GPC3: variants seen among roughly 807,000 people sequenced by gnomAD.
GPC3 encodes the protein glypican 3.
Under a neutral mutation model 34.4 loss-of-function variants are expected in GPC3, and 3 were observed. The ratio of observed to expected loss-of-function variants is 0.09; its 90% confidence interval spans 0.04 to 0.23. The LOEUF is 0.23. GPC3 is among the 10% of genes least tolerant of loss of function. The pLI is 1.00. For synonymous variants in GPC3, 177 were observed against 174.0 expected (o/e 1.02, Z -0.13); for missense variants, 351 against 445.6 (o/e 0.79, Z 1.91).
intron 6 of GPC3, among the ~76,000 whole-genome samples, chrX:133,632,662 T>C (rs1203568004): frequency 1.8e-5 from 2 of 111,860 alleles, no homozygotes; most frequent in Non-Finnish European, 3.8e-5. Context: ...TAATTCTTAC[T>C]GTTTTTGTGC....
Position 133,827,870 on chromosome X carries a change from G to A in GPC3, c.338-73694C>T, listed in dbSNP as rs1210358733. ...TGAAGAGGGAGGATCCCTTGAACCC[G>A]GGAGGCGGAGGTTGCAGTGACCGAG... On this transcript the variant is annotated intron_variant, in intron 2 of 7. Transcript: ENST00000370818. 5.8e-5 allele frequency among the ~76,000 whole-genome samples: 6 copies of A among 103,614 alleles called. No homozygotes were observed. In the Admixed American group the frequency reaches 6.2e-4, roughly 11 times the overall value. 90.0% of individuals were successfully genotyped at this position (103,614 alleles called of 115,157 possible). A position where few individuals can be genotyped will look rare whatever the true frequency, so the allele number is the denominator to read the frequency against.
At chrX:133,825,343 T>G (rs1168198147) in intron 2 of GPC3, among the ~76,000 whole-genome samples, 4 of 112,081 alleles carry the variant, frequency 3.6e-5, no homozygotes, top group African/African-American at 9.7e-5. Flanking sequence ...GCATTCCTGG[T>G]GCAGCCTGAC....
chrX:133,878,026 G>GA (rs1176311753), intron 2 of GPC3, among the ~76,000 whole-genome samples: 1 of 110,569 alleles, frequency 9.0e-6, no homozygotes, highest in Non-Finnish European at 1.9e-5. Context: ...TTTAAAATCA[G>GA]AAAAAAAGAA....
chrX:133,933,868 G>GTT (rs145289700), intron 2 of GPC3, among the ~76,000 whole-genome samples: 12 of 90,118 alleles, frequency 1.3e-4, no homozygotes, highest in African/African-American at 2.0e-4. Context: ...TTTTTTTTTT[G>GTT]TTTTTTTTTT....
At chrX:133,906,349 C>T (rs1202406547) in intron 2 of GPC3, among the ~76,000 whole-genome samples, 1 of 111,754 alleles carries the variant, frequency 8.9e-6, no homozygotes, top group Admixed American at 9.5e-5. Flanking sequence ...AACATGCCTT[C>T]TACATGTAGG....
intron 2 of GPC3, among the ~76,000 whole-genome samples, chrX:133,764,640 C>T (rs948605782): frequency 9.0e-6 from 1 of 111,681 alleles, no homozygotes; most frequent in Admixed American, 9.5e-5. Context: ...AACAGAACAG[C>T]GTAGGAGAAT....
chrX:133,928,604 CTT>C (rs752310701), intron 2 of GPC3, among the ~76,000 whole-genome samples: 5 of 111,980 alleles, frequency 4.5e-5, no homozygotes, highest in African/African-American at 6.5e-5. Context: ...CTTGTTATCT[CTT>C]GTCTTTTTGA....
chrX:133,954,312 T>C (rs992553147), intron 1 of GPC3, among the ~76,000 whole-genome samples: 1 of 112,317 alleles, frequency 8.9e-6, no homozygotes, highest in Non-Finnish European at 1.9e-5. Flanking sequence ...CCTTAAAATA[T>C]GTAGTTTATT....
At chrX:133,536,327 G>C (rs748485986) in intron 7 of GPC3, 34 bp from the exon 8 acceptor site, 11 of 1,062,959 alleles carry the variant, frequency 1.0e-5, no homozygotes, top group Non-Finnish European at 1.3e-6. Flanking sequence ...TGAAATGCAA[G>C]TCTACCCATA....
At chrX:133,631,151 T>C (rs1372960227) in intron 6 of GPC3, among the ~76,000 whole-genome samples, 2 of 112,021 alleles carry the variant, frequency 1.8e-5, no homozygotes, top group Non-Finnish European at 3.8e-5. Context: ...TTTTTCAGTG[T>C]ACAGTTCAGT....
chrX:133,554,083 G>A (rs1479630717), intron 7 of GPC3, among the ~76,000 whole-genome samples: 6 of 107,379 alleles, frequency 5.6e-5, no homozygotes, highest in Non-Finnish European at 7.7e-5. Context: ...GCACAATCTC[G>A]GCTCACTGCA....
intron 5 of GPC3, among the ~76,000 whole-genome samples, chrX:133,674,626 G>A (rs1486154173): frequency 9.0e-6 from 1 of 111,222 alleles, no homozygotes; most frequent in Non-Finnish European, 1.9e-5. Flanking sequence ...GTTCACAGAA[G>A]AACTAATCAT....
intron 6 of GPC3, among the ~76,000 whole-genome samples, chrX:133,598,509 A>G (rs1200823072): frequency 1.8e-5 from 2 of 111,503 alleles, no homozygotes; most frequent in South Asian, 3.8e-4. Context: ...GGATTATCAA[A>G]TCTGCTTCTC....
At chrX:133,946,930 G>A (rs1358559665) in intron 2 of GPC3, among the ~76,000 whole-genome samples, 2 of 111,192 alleles carry the variant, frequency 1.8e-5, no homozygotes, top group Admixed American at 1.9e-4. Context: ...CAATAGAAGG[G>A]AAGGGGCTTT....
intron 2 of GPC3, among the ~76,000 whole-genome samples, chrX:133,891,928 C>G (rs1185008576): frequency 2.7e-5 from 3 of 110,733 alleles, no homozygotes; most frequent in Non-Finnish European, 5.7e-5. Context: ...AGTAGCGAAT[C>G]TGTGTGAGAA....
At chrX:133,920,589 T>C (rs138601242) in intron 2 of GPC3, among the ~76,000 whole-genome samples, 1 of 111,316 alleles carries the variant, frequency 9.0e-6, no homozygotes, top group East Asian at 2.8e-4. Flanking sequence ...AATATGAAAA[T>C]ACACATGTAT....
intron 2 of GPC3, among the ~76,000 whole-genome samples, chrX:133,775,863 A>G (rs2071973326): frequency 8.9e-6 from 1 of 112,138 alleles, no homozygotes; most frequent in Non-Finnish European, 1.9e-5. Context: ...ATTTATTTCA[A>G]AATAAAAAAT....
chrX:133,971,757 A>G (rs1569460994), intron 1 of GPC3, among the ~76,000 whole-genome samples: 1 of 110,947 alleles, frequency 9.0e-6, no homozygotes, highest in East Asian at 2.8e-4. Context: ...CTTCAGAGGT[A>G]TATTGAGCCC....
At chrX:133,713,223 G>T (rs2071286876) in intron 3 of GPC3, among the ~76,000 whole-genome samples, 1 of 112,109 alleles carries the variant, frequency 8.9e-6, no homozygotes, top group African/African-American at 3.2e-5. Context: ...TATTCAAAAT[G>T]TTAAATAGCA....
Sources: allele counts gnomAD v4.1 joint callset (sites outside exome capture counted in the v4.1 genomes callset), GRCh38; gene constraint gnomAD v4.1.1; transcripts MANE v1.5; gene names NCBI Gene and HGNC (gene_info 2026-07-23, HGNC 2026-07-21).